Variants in IL1RAPL2 observed in about 807,000 individuals in gnomAD.
IL1RAPL2 encodes the protein X-linked interleukin-1 receptor accessory protein-like 2.
A neutral mutation model predicts 44.1 loss-of-function variants in IL1RAPL2; 3 were observed. That is an observed-to-expected ratio of 0.07 (90% CI 0.03 to 0.18). The LOEUF (loss-of-function observed/expected upper bound fraction) is 0.18. IL1RAPL2 is among the 10% of genes least tolerant of loss of function. IL1RAPL2 has a pLI of 1.00. For missense variants in IL1RAPL2, 391 were observed against 496.4 expected (o/e 0.79, Z 2.02); for synonymous variants, 181 against 178.8 (o/e 1.01, Z -0.10).
intron 2 of IL1RAPL2, among the ~76,000 whole-genome samples, chrX:105,136,408 T>C (rs1406846774): frequency 8.9e-6 from 1 of 112,189 alleles, no homozygotes; most frequent in African/African-American, 3.2e-5. Flanking sequence ...ATAAATATCC[T>C]CCACAAAGGC....
rs1212748571 is a variant in IL1RAPL2, at chrX:104,630,398, C to T, written c.-19-28497C>T. Among the ~76,000 whole-genome samples the T allele has an allele frequency of 2.7e-5, 3 of 110,591 alleles. No individual in the cohort carries two copies. In the South Asian group the frequency reaches 1.2e-3, roughly 42 times the overall value. ...TCCTGACCTAATGATTAACCTGCCT[C>T]GGCCTCCCAAAGTGCTGGGATTATA... is the stretch of plus-strand genomic sequence containing the variant. On this transcript the variant is annotated intron_variant, in intron 1 of 10. Coordinates refer to ENST00000372582, the MANE Select transcript of IL1RAPL2 (RefSeq NM_017416.2).
chrX:104,842,851 A>G (rs1016606947), intron 2 of IL1RAPL2, among the ~76,000 whole-genome samples: 14 of 112,698 alleles, frequency 1.2e-4, no homozygotes, highest in Non-Finnish European at 2.1e-4. Flanking sequence ...GGTCTCTCCC[A>G]GTCAGGAGGC....
At chrX:105,654,157 A>G (rs1430767970) in intron 6 of IL1RAPL2, among the ~76,000 whole-genome samples, 2 of 102,153 alleles carry the variant, frequency 2.0e-5, no homozygotes, top group Non-Finnish European at 3.8e-5. Context: ...CTTTGAGGTG[A>G]TGGCTGAAAC....
intron 2 of IL1RAPL2, among the ~76,000 whole-genome samples, chrX:104,747,221 C>A (rs773547952): frequency 1.8e-5 from 2 of 111,394 alleles, no homozygotes; most frequent in African/African-American, 6.5e-5. Context: ...CAAATCTCAT[C>A]TGCTCCATGG....
chrX:105,201,671 C>T (rs1423157999), intron 3 of IL1RAPL2, among the ~76,000 whole-genome samples: 3 of 111,777 alleles, frequency 2.7e-5, no homozygotes, highest in African/African-American at 9.7e-5. Flanking sequence ...ACCTTCCACT[C>T]TCCTACCCTA....
chrX:105,382,476 G>A (rs1418047880), intron 5 of IL1RAPL2, among the ~76,000 whole-genome samples: 1 of 107,752 alleles, frequency 9.3e-6, no homozygotes, highest in Non-Finnish European at 1.9e-5. Context: ...AACAACAGGT[G>A]CTGGAGAGGA....
chrX:104,799,789 TC>T (rs1932873623), intron 2 of IL1RAPL2, among the ~76,000 whole-genome samples: 1 of 111,657 alleles, frequency 9.0e-6, no homozygotes, highest in South Asian at 3.8e-4. Context: ...AATTAACATA[TC>T]CATCACCTCA....
At chrX:104,804,505 A>G (rs1569317627) in intron 2 of IL1RAPL2, 1 of 111,810 alleles carries the variant, frequency 8.9e-6, no homozygotes, top group Non-Finnish European at 1.9e-5. Context: ...GCTAAAGAAA[A>G]TGCCCAGGAC....
At chrX:105,208,691 C>T (rs782086103) in intron 3 of IL1RAPL2, among the ~76,000 whole-genome samples, 3 of 111,969 alleles carry the variant, frequency 2.7e-5, no homozygotes, top group South Asian at 3.8e-4. Flanking sequence ...CTCTTCAACA[C>T]TAAGGCAATA....
intron 6 of IL1RAPL2, among the ~76,000 whole-genome samples, chrX:105,550,938 A>G (rs769568520): frequency 1.8e-5 from 2 of 111,796 alleles, no homozygotes; most frequent in African/African-American, 6.5e-5. Context: ...GAAAACCCTC[A>G]TACTACATTT....
chrX:105,072,354 G>C (rs2032218986), intron 2 of IL1RAPL2, among the ~76,000 whole-genome samples: 1 of 111,259 alleles, frequency 9.0e-6, no homozygotes, highest in African/African-American at 3.3e-5. Context: ...GTGACATCAG[G>C]CTAAAATAGG....
chrX:105,115,763 T>C (rs75291319), intron 2 of IL1RAPL2, among the ~76,000 whole-genome samples: 178 of 113,122 alleles, frequency 1.6e-3, no homozygotes, highest in African/African-American at 5.5e-3. Context: ...TCCTCAGCCC[T>C]TGGGCGGTTG....
chrX:105,517,964 C>T (rs1005292064), intron 6 of IL1RAPL2, among the ~76,000 whole-genome samples: 3 of 110,814 alleles, frequency 2.7e-5, no homozygotes, highest in African/African-American at 9.8e-5. Flanking sequence ...GAAAGGGATG[C>T]CTAATGGTGA....
At chrX:105,415,013 A>C (rs904405058) in intron 5 of IL1RAPL2, among the ~76,000 whole-genome samples, 6 of 112,175 alleles carry the variant, frequency 5.3e-5, no homozygotes, top group Non-Finnish European at 1.1e-4. Context: ...GAGGAAGATA[A>C]GGGGGAGGAA....
intron 3 of IL1RAPL2, among the ~76,000 whole-genome samples, chrX:105,203,067 G>GA (rs1279604957): frequency 9.0e-6 from 1 of 111,192 alleles, no homozygotes; most frequent in African/African-American, 3.3e-5. Flanking sequence ...ATGTAGTCAG[G>GA]AAAAAAACTT....
chrX:105,151,272 G>A (rs1315250764), intron 2 of IL1RAPL2, among the ~76,000 whole-genome samples: 1 of 111,175 alleles, frequency 9.0e-6, no homozygotes, highest in Non-Finnish European at 1.9e-5. Flanking sequence ...TCATTCCTTG[G>A]AAGTATTTTT....
chrX:105,411,015 A>G (rs1023900011), intron 5 of IL1RAPL2, among the ~76,000 whole-genome samples: 1 of 112,107 alleles, frequency 8.9e-6, no homozygotes, highest in Admixed American at 9.5e-5. Context: ...TAAGGCAATA[A>G]AATACAAATT....
intron 5 of IL1RAPL2, among the ~76,000 whole-genome samples, chrX:105,353,351 A>G (rs761103853): frequency 3.6e-5 from 4 of 111,487 alleles, no homozygotes; most frequent in African/African-American, 1.3e-4. Flanking sequence ...GTATAGTTTG[A>G]AGTCAGGTAG....
At chrX:105,214,828 C>T (rs2033839408) in intron 3 of IL1RAPL2, among the ~76,000 whole-genome samples, 1 of 112,102 alleles carries the variant, frequency 8.9e-6, no homozygotes, top group Non-Finnish European at 1.9e-5. Context: ...TCACTCAAAA[C>T]CGCACAACTA....
Sources: allele counts gnomAD v4.1 joint callset (sites outside exome capture counted in the v4.1 genomes callset), GRCh38; gene constraint gnomAD v4.1.1; transcripts MANE v1.5; gene names NCBI Gene and HGNC (gene_info 2026-07-23, HGNC 2026-07-21).